The following FREM1 variants were observed in gnomAD, a reference collection of about 807,000 sequenced individuals.
FREM1 encodes the protein FRAS1 related extracellular matrix 1.
Under a neutral mutation model 210.1 loss-of-function variants are expected in FREM1, and 220 were observed. That is an observed-to-expected ratio of 1.05 (90% CI 0.94 to 1.17). The LOEUF is 1.17. Ranked by LOEUF, FREM1 falls within the 50% of genes most tolerant of loss-of-function variation. The probability of loss-of-function intolerance (pLI) is 0.00; values close to 1 mark genes in which losing one functional copy is unlikely to be tolerated. For synonymous variants in FREM1, 1,189 were observed against 980.2 expected (o/e 1.21, Z -3.98); for missense variants, 3,454 against 2,675.5 (o/e 1.29, Z -6.42).
rs542692641 is a variant in FREM1, at chr9:14,860,954, C to T, written c.330-1470G>A. ...ACATATACACACATATACACATATA[C>T]ACATATATACACATATATACATATA... is the stretch of plus-strand genomic sequence containing the variant. On this transcript the variant is annotated intron_variant, in intron 3 of 36. Coordinates refer to ENST00000380880, the MANE Select transcript of FREM1 (RefSeq NM_001379081.2). Among the ~76,000 whole-genome samples, 88 of 85,854 alleles carry T rather than the reference C, an allele frequency of 1.0e-3. 6 individuals carry two copies. In the South Asian group the frequency reaches 0.017, roughly 16 times the overall value. 56.3% of individuals were successfully genotyped at this position (85,854 alleles called of 152,430 possible).
At chr9:14,862,329 T>G (rs942778841) in intron 3 of FREM1, among the ~76,000 whole-genome samples, 3 of 152,176 alleles carry the variant, frequency 2.0e-5, no homozygotes, top group Non-Finnish European at 4.4e-5. Flanking sequence ...TCTTTTACAT[T>G]AGTCTAATGC....
Position 14,747,311 on chromosome 9 carries a change from G to C in FREM1, c.5962C>G (p.Gln1988Glu), listed in dbSNP as rs1490566972. The C allele has an allele frequency of 6.2e-7, 1 of 1,613,658 alleles. No homozygotes were observed. The highest frequency in any genetic ancestry group is 1.1e-5 in the South Asian group (1 of 90,978). ...QKTIKVAELP[Q>E]ADKVESTTDS... ...GTTGTGGATTCCACCTTATCTGCTTGAGGCAGTTCTGCCACTTTGATTGTC... is the reference window on the plus strand; with the variant it reads ...GTTGTGGATTCCACCTTATCTGCTTCAGGCAGTTCTGCCACTTTGATTGTC... Residue 1988 changes from glutamine to glutamate, a missense_variant, in exon 33 of 37, where the codon CAA (glutamine) becomes GAA (glutamate). Transcript: ENST00000380880.
chr9:14,775,350 A>C (rs1848360536), intron 25 of FREM1, among the ~76,000 whole-genome samples: 1 of 152,146 alleles, frequency 6.6e-6, no homozygotes, highest in Admixed American at 6.5e-5. Context: ...CATTCATATT[A>C]ATATTGCTGT....
chr9:14,785,373 T>C (rs997130560), intron 23 of FREM1, among the ~76,000 whole-genome samples: 12 of 152,242 alleles, frequency 7.9e-5, no homozygotes, highest in African/African-American at 1.7e-4. Flanking sequence ...TTTAGAATGG[T>C]ATTTTTTTCT....
intron 10 of FREM1, among the ~76,000 whole-genome samples, chr9:14,837,733 AATC>A (rs1205126832): frequency 1.3e-5 from 2 of 152,190 alleles, no homozygotes; most frequent in Non-Finnish European, 2.9e-5. Flanking sequence ...GGGGGGAAAA[AATC>A]ATGACACAGA....
intron 1 of FREM1, among the ~76,000 whole-genome samples, chr9:14,869,862 G>A (rs533276082): frequency 6.6e-6 from 1 of 152,240 alleles, no homozygotes; most frequent in African/African-American, 2.4e-5. Context: ...GACTACGAAT[G>A]AGGTGACATA....
At chr9:14,891,379 C>T (rs1220007663) in intron 1 of FREM1, among the ~76,000 whole-genome samples, 1 of 152,116 alleles carries the variant, frequency 6.6e-6, no homozygotes, top group Non-Finnish European at 1.5e-5. Context: ...AAATTCTTGC[C>T]CTTAGAGAGT....
intron 22 of FREM1, among the ~76,000 whole-genome samples, chr9:14,791,929 C>T (rs1388776947): frequency 6.6e-6 from 1 of 152,136 alleles, no homozygotes; most frequent in African/African-American, 2.4e-5. Flanking sequence ...CCCCCCTCTC[C>T]CGGGTTCAAG....
chr9:14,872,144 A>C (rs144483426), intron 1 of FREM1, among the ~76,000 whole-genome samples: 1 of 152,100 alleles, frequency 6.6e-6, no homozygotes, highest in African/African-American at 2.4e-5. Flanking sequence ...TTGACTTGGC[A>C]ATGCGGGCTC....
rs764899314 is a variant in FREM1 at position 14,792,836 on chromosome 9, A to G, written c.3888T>C (p.Ser1296=). The change falls in exon 22 of 37, where the codon AGT becomes AGC. Residue 1296 remains serine (S), a synonymous_variant. Coordinates refer to ENST00000380880, the MANE Select transcript of FREM1 (RefSeq NM_001379081.2). ...MNMGETRIIS[S]AILSAIDEDS... ...CTTCATCTATGGCTGAAAGAATAGC[A>G]CTGGAAATAATACGAGTTTCACCCA... 5.0e-6 allele frequency: 8 copies of G among 1,600,052 alleles called. No individual in the cohort carries two copies. In the South Asian group the frequency reaches 7.9e-5, roughly 16 times the overall value.
At chr9:14,817,327 C>T (rs888691750) in intron 14 of FREM1, among the ~76,000 whole-genome samples, 1 of 152,200 alleles carries the variant, frequency 6.6e-6, no homozygotes, top group Non-Finnish European at 1.5e-5. Flanking sequence ...ATCTATTCAG[C>T]TTTTCTCTAA....
chr9:14,801,679 T>C lies in FREM1; in HGVS notation c.3667A>G (p.Ser1223Gly). 1 of 1,613,606 alleles carries C rather than the reference T, an allele frequency of 6.2e-7. No individual in the cohort carries two copies. Among genetic ancestry groups the C allele is most frequent in the Non-Finnish European group, 8.5e-7 (1 of 1,179,498 alleles). The change falls in exon 20 of 37, where the codon AGC becomes GGC. Residue 1223 changes from serine (S) to glycine (G), a missense_variant. Transcript: ENST00000380880. The part of the protein sequence containing the change: ...NPHQKHAPVH[S>G]FSMELLKTGM... ...GTCTTGAGGAGTTCCATGGAAAAGC[T>C]GTGAACAGGTGCATGTTTCTGGTGA...
Position 14,842,605 on chromosome 9 carries a change from A to G in FREM1, c.1449T>C (p.Tyr483=), listed in dbSNP as rs776232831. ...TGGTGGAGTCGCTGTCATCATGATG[A>G]TAGCGAACAACTCCAGCCTGGAGGT... The part of the protein sequence containing the change: ...VADLQAGVVR[Y]HHDDSDSTKD... The change falls in exon 9 of 37, where the codon TAT becomes TAC. Residue 483 remains tyrosine (Y), a synonymous_variant. Coordinates refer to ENST00000380880, the MANE Select transcript of FREM1 (RefSeq NM_001379081.2). The G allele has an allele frequency of 1.9e-6, 3 of 1,613,836 alleles. No homozygotes were observed. In the African/African-American group the frequency reaches 4.0e-5, roughly 22 times the overall value.
intron 8 of FREM1, among the ~76,000 whole-genome samples, chr9:14,843,500 T>C (rs1274602306): frequency 3.6e-4 from 4 of 11,008 alleles, no homozygotes; most frequent in Admixed American, 3.4e-3. Context: ...GATAGATAGG[T>C]AGGTAGGTAG....
chr9:14,903,283 T>A lies in FREM1; in HGVS notation c.-268+6631A>T, dbSNP rs144614498. ...CATGTGGTCAGCAGGAACCTGATATTCTTAAGATGAAGAAAATATTAAAAG... is the reference window on the plus strand; with the variant it reads ...CATGTGGTCAGCAGGAACCTGATATACTTAAGATGAAGAAAATATTAAAAG... On this transcript the variant is annotated intron_variant, in intron 1 of 36. Coordinates refer to ENST00000380880, the MANE Select transcript of FREM1 (RefSeq NM_001379081.2). 3.4e-4 allele frequency among the ~76,000 whole-genome samples: 52 copies of A among 152,290 alleles called. No individual in the cohort carries two copies. In the East Asian group the frequency reaches 8.9e-3, roughly 26 times the overall value.
intron 16 of FREM1, among the ~76,000 whole-genome samples, chr9:14,811,944 C>T (rs908731266): frequency 9.2e-5 from 14 of 152,112 alleles, no homozygotes; most frequent in Non-Finnish European, 4.4e-5. Flanking sequence ...GGAAATTGCA[C>T]TACAGTACAG....
intron 1 of FREM1, among the ~76,000 whole-genome samples, chr9:14,900,526 G>A (rs751516206): frequency 6.6e-6 from 1 of 152,108 alleles, no homozygotes; most frequent in Non-Finnish European, 1.5e-5. Flanking sequence ...CCGCCTCCAA[G>A]AACAGCACTA....
chr9:14,881,217 C>G (rs1588564465), intron 1 of FREM1, among the ~76,000 whole-genome samples: 1 of 152,152 alleles, frequency 6.6e-6, no homozygotes, highest in Non-Finnish European at 1.5e-5. Flanking sequence ...TATGCAAAGG[C>G]ACATAAAACG....
In FREM1 at chr9:14,784,631, T is replaced by C. The variant is rs199689629; in HGVS notation, c.4181A>G (p.Asp1394Gly). The C allele has an allele frequency of 1.8e-4, 280 of 1,567,724 alleles. No homozygotes were observed. Among genetic ancestry groups the C allele is most frequent in the Non-Finnish European group, 2.3e-4 (260 of 1,153,878 alleles). ...GAGTGGTTTTGTAAGGATGACAATATCACCTACATGACATAAGAGGTTATG... is the reference window on the plus strand; with the variant it reads ...GAGTGGTTTTGTAAGGATGACAATACCACCTACATGACATAAGAGGTTATG... ...QITIKDMEKGDIVILTKPLVV... is the reference protein window; with the variant it reads ...QITIKDMEKGGIVILTKPLVV... Residue 1394 changes from aspartate to glycine, a missense_variant, in exon 24 of 37, where the codon GAT becomes GGT. Asp to Gly is a moderately conservative substitution (Grantham distance 94). Transcript: ENST00000380880.
Sources: allele counts gnomAD v4.1 joint callset (sites outside exome capture counted in the v4.1 genomes callset), GRCh38; gene constraint gnomAD v4.1.1; transcripts MANE v1.5; gene names NCBI Gene and HGNC (gene_info 2026-07-23, HGNC 2026-07-21).